Variants in OSBPL11 observed in about 807,000 individuals in gnomAD.
OSBPL11 encodes oxysterol binding protein like 11.
Under a neutral mutation model 84.4 loss-of-function variants are expected in OSBPL11, and 33 were observed. The observed-to-expected ratio is 0.39, with a 90% CI of 0.30 to 0.52. The LOEUF (loss-of-function observed/expected upper bound fraction) is 0.52. OSBPL11 is among the 20% of genes least tolerant of loss of function. The pLI is 0.72. For missense variants in OSBPL11, 736 were observed against 901.1 expected (o/e 0.82, Z 2.35); for synonymous variants, 276 against 310.2 (o/e 0.89, Z 1.16).
At chr3:125,575,543 T>A (rs1936309419) in intron 5 of OSBPL11, among the ~76,000 whole-genome samples, 1 of 151,670 alleles carries the variant, frequency 6.6e-6, no homozygotes, top group African/African-American at 2.4e-5. Context: ...GTTTTTTTAT[T>A]TTTTGAGACA....
chr3:125,579,078 T>C (rs1224150946), intron 3 of OSBPL11, 39 bp from the exon 4 acceptor site: 1 of 1,385,698 alleles, frequency 7.2e-7, no homozygotes, highest in South Asian at 1.3e-5. Context: ...TATTTATTTA[T>C]TCTGGAACAC....
intron 11 of OSBPL11, among the ~76,000 whole-genome samples, chr3:125,534,332 G>C (rs763148721): frequency 6.6e-6 from 1 of 151,458 alleles, no homozygotes; most frequent in African/African-American, 2.4e-5. Context: ...GCAGTGAGCC[G>C]AGACTGCATC....
Position 125,595,304 on chromosome 3 carries a change from G to GGC in OSBPL11, c.-506_-505dup, listed in dbSNP as rs1936666995. Among the ~76,000 whole-genome samples, 2 of 152,112 alleles carry GGC rather than the reference G, an allele frequency of 1.3e-5. No homozygotes were observed. The highest frequency in any genetic ancestry group is 2.4e-5 in the African/African-American group (1 of 41,438). On this transcript the variant is annotated 5_prime_UTR_variant, in exon 1 of 13. Transcript: ENST00000296220. Reference sequence around the variant, plus strand: ...CAGCCCCCGAGATACAGCCAGGGCCGGCGCGCGCAGCCGGGGAGGAGGGTC... The same window carrying GGC: ...CAGCCCCCGAGATACAGCCAGGGCCGGCGCGCGCGCAGCCGGGGAGGAGGGTC...
intron 5 of OSBPL11, among the ~76,000 whole-genome samples, chr3:125,572,969 A>T (rs1936264933): frequency 6.8e-6 from 1 of 147,668 alleles, no homozygotes; most frequent in Non-Finnish European, 1.5e-5. Flanking sequence ...ATATAAATAT[A>T]GTAAGATATA....
chr3:125,569,191 C>T (rs1936208126), intron 5 of OSBPL11, among the ~76,000 whole-genome samples: 1 of 152,088 alleles, frequency 6.6e-6, no homozygotes, highest in South Asian at 2.1e-4. Context: ...TCAAGCGATC[C>T]ACCCACTGTG....
chr3:125,564,676 A>T (rs1186592087), intron 6 of OSBPL11, among the ~76,000 whole-genome samples: 1 of 147,758 alleles, frequency 6.8e-6, no homozygotes, highest in Non-Finnish European at 1.5e-5. Context: ...TTTTTTTGAG[A>T]CAGAGTCTTG....
At chr3:125,584,236 C>T (rs1232079938) in intron 1 of OSBPL11, among the ~76,000 whole-genome samples, 6 of 151,812 alleles carry the variant, frequency 4.0e-5, no homozygotes, top group African/African-American at 7.3e-5. Flanking sequence ...TGTGGTGGCA[C>T]GTGCCTGTAA....
intron 6 of OSBPL11, among the ~76,000 whole-genome samples, chr3:125,565,140 G>T (rs570705429): frequency 7.2e-5 from 11 of 152,240 alleles, no homozygotes; most frequent in South Asian, 4.1e-4. Flanking sequence ...AGCTACTTGG[G>T]GGGCTAAAGC....
At chr3:125,582,408 T>C (rs763096821) in intron 2 of OSBPL11, among the ~76,000 whole-genome samples, 41 of 152,306 alleles carry the variant, frequency 2.7e-4, no homozygotes, top group Admixed American at 1.8e-3. Flanking sequence ...ATAATAGAAC[T>C]TGGTAGACAA....
At chr3:125,556,191 A>G (rs891159787) in intron 8 of OSBPL11, among the ~76,000 whole-genome samples, 1 of 152,228 alleles carries the variant, frequency 6.6e-6, no homozygotes, top group East Asian at 1.9e-4. Context: ...ACTGGTCCAG[A>G]TTAGAGTGAT....
intron 4 of OSBPL11, among the ~76,000 whole-genome samples, chr3:125,577,497 T>A (rs1311626399): frequency 2.6e-5 from 4 of 152,072 alleles, no homozygotes; most frequent in African/African-American, 2.4e-5. Flanking sequence ...ATAATTTTTT[T>A]AAAGGACAAT....
intron 8 of OSBPL11, among the ~76,000 whole-genome samples, chr3:125,556,220 A>G (rs925794430): frequency 6.6e-6 from 1 of 152,246 alleles, no homozygotes; most frequent in Non-Finnish European, 1.5e-5. Context: ...AGAGACAGAC[A>G]TACTGAAGAC....
chr3:125,574,768 T>A (rs946545902), intron 5 of OSBPL11, among the ~76,000 whole-genome samples: 2 of 152,160 alleles, frequency 1.3e-5, no homozygotes, highest in Non-Finnish European at 2.9e-5. Context: ...TGTATAATAA[T>A]AAAATGGATC....
intron 11 of OSBPL11, among the ~76,000 whole-genome samples, chr3:125,534,625 G>A (rs1442762537): frequency 2.7e-5 from 4 of 148,754 alleles, no homozygotes; most frequent in Admixed American, 6.7e-5. Context: ...AAAATATTTC[G>A]AAATGAAAAC....
At chr3:125,567,038 T>C (rs1580053800) in intron 6 of OSBPL11, among the ~76,000 whole-genome samples, 1 of 152,176 alleles carries the variant, frequency 6.6e-6, no homozygotes, top group East Asian at 1.9e-4. Context: ...CAAAAAATAA[T>C]GCCAAGGTTT....
At chr3:125,552,958 A>C (rs1262012125) in intron 8 of OSBPL11, among the ~76,000 whole-genome samples, 1 of 152,170 alleles carries the variant, frequency 6.6e-6, no homozygotes, top group Non-Finnish European at 1.5e-5. Flanking sequence ...TCTCTACAAA[A>C]GTTACAAAAA....
intron 8 of OSBPL11, among the ~76,000 whole-genome samples, chr3:125,555,272 A>G (rs935088355): frequency 2.6e-5 from 4 of 152,080 alleles, no homozygotes; most frequent in Admixed American, 1.3e-4. Context: ...TGGCTTCCCT[A>G]CTTTTGAGGT....
chr3:125,569,571 T>C (rs1223745820), intron 5 of OSBPL11, among the ~76,000 whole-genome samples: 3 of 152,156 alleles, frequency 2.0e-5, no homozygotes, highest in Non-Finnish European at 1.5e-5. Context: ...TGAAATACAG[T>C]GTGGCAATAT....
At chr3:125,553,828 G>A (rs2107596234) in intron 8 of OSBPL11, among the ~76,000 whole-genome samples, 1 of 152,300 alleles carries the variant, frequency 6.6e-6, no homozygotes, top group African/African-American at 2.4e-5. Context: ...CTGGTGAATT[G>A]AACACATGCA....
Sources: allele counts gnomAD v4.1 joint callset (sites outside exome capture counted in the v4.1 genomes callset), GRCh38; gene constraint gnomAD v4.1.1; transcripts MANE v1.5; gene names NCBI Gene and HGNC (gene_info 2026-07-23, HGNC 2026-07-21).